MAP4: variants seen among roughly 807,000 people sequenced by gnomAD.
MAP4 encodes the protein microtubule associated protein 4, also known as microtubule-associated protein 4.
In MAP4, 76 loss-of-function variants were observed where a neutral mutation model predicts 170.2. The observed-to-expected ratio is 0.45, with a 90% CI of 0.37 to 0.54. MAP4 has a LOEUF of 0.54. Among genes scored for constraint, MAP4 ranks in the 20% least tolerant of loss-of-function variants. MAP4 has a pLI of 0.00. For missense variants in MAP4, 2,506 were observed against 2,748.0 expected (o/e 0.91, Z 1.97); for synonymous variants, 909 against 994.5 (o/e 0.91, Z 1.62).
intron 9 of MAP4, among the ~76,000 whole-genome samples, chr3:47,903,530 C>T (rs1385445492): frequency 7.4e-6 from 1 of 135,540 alleles, no homozygotes; most frequent in Non-Finnish European, 1.6e-5. Context: ...GAGACTCCGT[C>T]TCAAAAAAAA....
chr3:47,908,564 G>A (rs1560004505), intron 9 of MAP4, among the ~76,000 whole-genome samples: 1 of 152,068 alleles, frequency 6.6e-6, no homozygotes, highest in Admixed American at 6.6e-5. Context: ...TAACCTAAAA[G>A]CAGTTTGGAT....
Position 47,852,849 on chromosome 3 carries a change from A to T in MAP4, c.*85T>A, listed in dbSNP as rs751000269. ...CCCGGGAGCCCGAGTTGGGGCCGCC[A>T]GGGAAGTGTGGGGGGCGGGAGACAA... is the stretch of plus-strand genomic sequence containing the variant. On this transcript the variant is annotated 3_prime_UTR_variant, in exon 21 of 21. Transcript: ENST00000683076. 3 of 1,560,760 alleles carry T rather than the reference A, an allele frequency of 1.9e-6. No individual in the cohort carries two copies. Among genetic ancestry groups the T allele is most frequent in the Non-Finnish European group, 2.6e-6 (3 of 1,152,364 alleles).
intron 10 of MAP4, among the ~76,000 whole-genome samples, chr3:47,886,482 C>T (rs1197990048): frequency 6.6e-6 from 1 of 152,052 alleles, no homozygotes; most frequent in Non-Finnish European, 1.5e-5. Flanking sequence ...TGTATTTTTC[C>T]ATAGAGATGG....
chr3:47,887,572 C>T (rs1162080157), intron 10 of MAP4, among the ~76,000 whole-genome samples: 1 of 152,252 alleles, frequency 6.6e-6, no homozygotes, highest in African/African-American at 2.4e-5. Context: ...ATCAACCACC[C>T]AAAGGCTGAG....
In MAP4 at chr3:47,871,045, C is replaced by T. The variant is rs113095483; in HGVS notation, c.6062G>A (p.Ser2021Asn). ...TSSMKKTTTL[S>N]GTAPAAGVVP... Reference sequence around the variant, plus strand: ...CACCCCTGCAGCGGGGGCTGTCCCACTGAGAGTGGTGGTTTTCTTCATGGA... The same window carrying T: ...CACCCCTGCAGCGGGGGCTGTCCCATTGAGAGTGGTGGTTTTCTTCATGGA... The change falls in exon 15 of 21, where the codon AGT becomes AAT. Residue 2021 changes from serine (S) to asparagine (N), a missense_variant. Transcript: ENST00000683076. 3 of 1,613,146 alleles carry T rather than the reference C, an allele frequency of 1.9e-6. No homozygotes were observed. The highest frequency in any genetic ancestry group is 8.5e-7 in the Non-Finnish European group (1 of 1,179,450).
chr3:47,935,866 G>C (rs1288516171), intron 3 of MAP4, among the ~76,000 whole-genome samples: 1 of 145,264 alleles, frequency 6.9e-6, no homozygotes, highest in Non-Finnish European at 1.5e-5. Context: ...TTGAACCCGG[G>C]AGGCAGAGGC....
rs775760903 is a variant in MAP4 at position 47,916,189 on chromosome 3, C to A, written c.1638G>T (p.Glu546Asp). The change falls in exon 7 of 21, where the codon GAG becomes GAT. Residue 546 changes from glutamate (E) to aspartate (D), a missense_variant. By Grantham distance (45) the Glu-to-Asp change is conservative. This residue lies in a region of MAP4 where 2,008 missense variants were observed against 2,206.0 expected (regional missense o/e 0.91). Coordinates refer to ENST00000683076, the MANE Select transcript of MAP4 (RefSeq NM_001385682.1). The part of the protein sequence containing the change: ...LPPEMEVALT[E>D]DQVPALKTEA... ...CTGTTTTGAGGGCTGGGACCTGATCCTCAGTCAGGGCCACCTCCATTTCTG... is the reference window on the plus strand; with the variant it reads ...CTGTTTTGAGGGCTGGGACCTGATCATCAGTCAGGGCCACCTCCATTTCTG... 3 of 1,614,200 alleles carry A rather than the reference C, an allele frequency of 1.9e-6. No individual in the cohort carries two copies. In the South Asian group the frequency reaches 3.3e-5, roughly 18 times the overall value.
chr3:48,045,697 T>C (rs1246205993), intron 1 of MAP4, among the ~76,000 whole-genome samples: 2 of 152,232 alleles, frequency 1.3e-5, no homozygotes, highest in African/African-American at 4.8e-5. Context: ...GTAGTTTAAA[T>C]AGTGCTTACA....
chr3:47,882,163 C>A (rs1051449058), intron 10 of MAP4, among the ~76,000 whole-genome samples: 3 of 152,118 alleles, frequency 2.0e-5, no homozygotes, highest in Admixed American at 6.5e-5. Context: ...CCTGTAATCC[C>A]AGCTACTTGG....
chr3:47,906,795 T>A (rs1208005240), intron 9 of MAP4, among the ~76,000 whole-genome samples: 4 of 139,968 alleles, frequency 2.9e-5, no homozygotes, highest in South Asian at 4.4e-4. Context: ...GAAAAAAGAT[T>A]AAAAAAAAAA....
chr3:47,859,577 A>G (rs2062308041), intron 17 of MAP4, among the ~76,000 whole-genome samples: 1 of 152,168 alleles, frequency 6.6e-6, no homozygotes, highest in African/African-American at 2.4e-5. Context: ...CCCAGCTCAA[A>G]AGGTGCCTTC....
rs2043059922 is a variant in MAP4, at chr3:47,851,976, T to C, written c.*958A>G. On this transcript the variant is annotated 3_prime_UTR_variant, in exon 21 of 21. Coordinates refer to ENST00000683076, the MANE Select transcript of MAP4 (RefSeq NM_001385682.1). ...AGAGATGCCAAAACCAGCCTCTTGG[T>C]TAGAAAAGAAAAGCAGCATACACAC... 1 of 151,850 alleles carries C rather than the reference T, an allele frequency of 6.6e-6. No individual in the cohort carries two copies. Among genetic ancestry groups the C allele is most frequent in the Non-Finnish European group, 1.5e-5 (1 of 68,016 alleles). 9.4% of individuals were successfully genotyped at this position (151,850 alleles called of 1,614,324 possible).
intron 16 of MAP4, among the ~76,000 whole-genome samples, chr3:47,868,818 G>T (rs2085375128): frequency 1.3e-5 from 2 of 152,140 alleles, no homozygotes. Context: ...AAAGCACAGG[G>T]GCTCCAGGGT....
intron 5 of MAP4, 134 bp from the exon 6 acceptor site, chr3:47,918,975 C>T: frequency 1.6e-6 from 1 of 631,472 alleles, no homozygotes; most frequent in Non-Finnish European, 2.6e-6. Context: ...GTTGCCCACG[C>T]AGACAGAGTG....
intron 1 of MAP4, among the ~76,000 whole-genome samples, chr3:48,048,042 C>T (rs933443636): frequency 2.0e-5 from 3 of 152,146 alleles, no homozygotes; most frequent in Non-Finnish European, 4.4e-5. Context: ...GAGTTCAAGG[C>T]TGCAATGAGC....
intron 3 of MAP4, among the ~76,000 whole-genome samples, chr3:47,949,465 CAAA>C (rs60076214): frequency 2.8e-5 from 2 of 70,890 alleles, no homozygotes; most frequent in African/African-American, 5.9e-5. Flanking sequence ...GACTGCGTCC[CAAA>C]AAAAAAAAAA....
At chr3:48,062,588 TA>T (rs752091820) in intron 1 of MAP4, among the ~76,000 whole-genome samples, 1 of 119,660 alleles carries the variant, frequency 8.4e-6, no homozygotes, top group East Asian at 2.5e-4. Context: ...GTTTAAAAAA[TA>T]AAAAAATTTA....
Position 47,918,772 on chromosome 3 carries a change from G to A in MAP4, c.599C>T (p.Ser200Leu). The A allele has an allele frequency of 6.2e-7, 1 of 1,610,920 alleles. No homozygotes were observed. Among genetic ancestry groups the A allele is most frequent in the Admixed American group, 1.7e-5 (1 of 60,014 alleles). The stretch of plus-strand genomic sequence containing the variant: ...AGCCTCTGGGGAAACAAAGGACTCT[G>A]AGTGTGGAGAGTTTAAGGCTTCCAC... ...WSVEALNSPH[S>L]ESFVSPEAVA... Residue 200 changes from serine to leucine, a missense_variant, in exon 6 of 21, where the codon TCA becomes TTA. Around this residue, in one of 3 missense-constraint regions of MAP4, gnomAD observed 2,008 missense variants for 2,206.0 expected, o/e 0.91. Transcript: ENST00000683076.
intron 1 of MAP4, among the ~76,000 whole-genome samples, chr3:48,069,679 TC>T (rs1338240466): frequency 1.3e-5 from 2 of 152,182 alleles, no homozygotes; most frequent in Admixed American, 1.3e-4. Flanking sequence ...CATTTTTTTG[TC>T]CCTATTATTG....
Sources: allele counts gnomAD v4.1 joint callset (sites outside exome capture counted in the v4.1 genomes callset), GRCh38; gene constraint gnomAD v4.1.1; regional missense constraint gnomAD v4.1.1; transcripts MANE v1.5; gene names NCBI Gene and HGNC (gene_info 2026-07-23, HGNC 2026-07-21).